CBL: variants seen among roughly 807,000 people sequenced by gnomAD.
CBL encodes the protein E3 ubiquitin-protein ligase CBL.
A neutral mutation model predicts 96.9 loss-of-function variants in CBL; 45 were observed. The ratio of observed to expected loss-of-function variants is 0.46; its 90% confidence interval spans 0.37 to 0.60. The LOEUF (loss-of-function observed/expected upper bound fraction) is 0.60, where lower values mean the gene tolerates loss of function less well. Among genes scored for constraint, CBL ranks in the 20% least tolerant of loss-of-function variants. CBL has a pLI of 0.00. For missense variants in CBL, 1,024 were observed against 1,143.5 expected (o/e 0.90, Z 1.51); for synonymous variants, 420 against 426.8 (o/e 0.98, Z 0.20).
rs1030670277 is a variant in CBL, at chr11:119,308,137, T to G, written c.*8356T>G. On this transcript the variant is annotated 3_prime_UTR_variant, in exon 16 of 16. Coordinates refer to ENST00000264033, the MANE Select transcript of CBL (RefSeq NM_005188.4). ...AAAATATTTTTAAATAAAGTTTCTT[T>G]TGTTGTAGCAGACTTGAGTTCTTGC... 1 of 168,514 alleles carries G rather than the reference T, an allele frequency of 5.9e-6. No individual in the cohort carries two copies. The highest frequency in any genetic ancestry group is 1.3e-5 in the Non-Finnish European group (1 of 76,968). 10.4% of individuals were successfully genotyped at this position (168,514 alleles called of 1,614,324 possible).
chr11:119,208,229 A>G (rs973044713), intron 1 of CBL, among the ~76,000 whole-genome samples: 1 of 152,086 alleles, frequency 6.6e-6, no homozygotes, highest in Non-Finnish European at 1.5e-5. Context: ...CTTTTTAGGG[A>G]TTTATCGTTA....
intron 12 of CBL, among the ~76,000 whole-genome samples, chr11:119,288,438 C>T (rs991357073): frequency 2.6e-5 from 4 of 151,902 alleles, no homozygotes; most frequent in Non-Finnish European, 5.9e-5. Flanking sequence ...CTGCATCTCA[C>T]TATGTCCTTA....
Position 119,278,534 on chromosome 11 carries a change from T to G in CBL, c.1252T>G (p.Phe418Val), listed in dbSNP as rs745896960. Residue 418 changes from phenylalanine to valine, a missense_variant, in exon 9 of 16, where the codon TTC becomes GTC. Physicochemically the swap from Phe to Val is conservative, Grantham distance 50 (BLOSUM62 -1). Coordinates refer to ENST00000264033, the MANE Select transcript of CBL (RefSeq NM_005188.4). The stretch of plus-strand genomic sequence containing the variant: ...GGAATCAGAAGGTCAGGGCTGTCCT[T>G]TCTGCCGATGTGAAATTAAAGGTAC... ...WQESEGQGCP[F>V]CRCEIKGTEP... 6.2e-7 allele frequency: 1 copy of G among 1,614,232 alleles called. No individual in the cohort carries two copies. The highest frequency in any genetic ancestry group is 1.7e-5 in the Admixed American group (1 of 60,026).
chr11:119,249,776 G>A (rs556182451), intron 2 of CBL, among the ~76,000 whole-genome samples: 1 of 151,194 alleles, frequency 6.6e-6, no homozygotes, highest in South Asian at 2.1e-4. Flanking sequence ...TCCCACCTAA[G>A]CTTCCCAAGT....
intron 1 of CBL, among the ~76,000 whole-genome samples, chr11:119,211,948 C>T (rs1949322292): frequency 6.6e-6 from 1 of 151,916 alleles, no homozygotes; most frequent in Non-Finnish European, 1.5e-5. Flanking sequence ...AGATGGAGTT[C>T]CACTATTGTT....
chr11:119,293,595 T>A (rs187004195), intron 12 of CBL, among the ~76,000 whole-genome samples: 1 of 152,212 alleles, frequency 6.6e-6, no homozygotes. Context: ...CTAGGGAAAA[T>A]TGCTGGCATT....
Position 119,297,005 on chromosome 11 carries a change from A to G in CBL, c.2124A>G (p.Leu708=), listed in dbSNP as rs749129552. Residue 708 remains leucine (L), a synonymous_variant, in exon 13 of 16, where the codon CTA becomes CTG. Coordinates refer to ENST00000264033, the MANE Select transcript of CBL (RefSeq NM_005188.4). ...TEYMTPSSRP[L]RPLDTSQSSR... ...ACATGACTCCCTCTTCCAGGCCTCT[A>G]CGGCCTTTGGATACATCCCAGAGTT... The G allele has an allele frequency of 3.1e-6, 5 of 1,601,680 alleles. No individual in the cohort carries two copies. The African/African-American group carries it at 4.0e-5, about 13-fold the overall frequency.
At position 119,232,437 on chromosome 11, in the gene CBL, A is replaced by G. The variant is rs1336574268; in HGVS notation, c.196-11A>G. 2 of 1,612,840 alleles carry G rather than the reference A, an allele frequency of 1.2e-6. No homozygotes were observed. The highest frequency in any genetic ancestry group is 1.7e-6 in the Non-Finnish European group (2 of 1,179,926). The stretch of plus-strand genomic sequence containing the variant: ...CTCCAAGTAATAGCCCTTCTTTTTC[A>G]TTTGTTGCAGGTGGTGCGGTTGTGT... On this transcript the variant is annotated splice_polypyrimidine_tract_variant and intron_variant, in intron 1 of 15. Transcript: ENST00000264033.
Position 119,278,487 on chromosome 11 carries a change from ACTAT to A in CBL, c.1228-20_1228-17del, listed in dbSNP as rs370327162. 1.5e-4 allele frequency: 236 copies of A among 1,600,026 alleles called. No individual in the cohort carries two copies. The African/African-American group carries it at 2.8e-3, about 19-fold the overall frequency. ...TTAAGTATTTTCAGATGCATCTGTTACTATCTTTTGCTTCTTCTGCAGGAATCAG... is the reference window on the plus strand; with the variant it reads ...TTAAGTATTTTCAGATGCATCTGTTACTTTTGCTTCTTCTGCAGGAATCAG... On this transcript the variant is annotated intron_variant, in intron 8 of 15. Coordinates refer to ENST00000264033, the MANE Select transcript of CBL (RefSeq NM_005188.4).
chr11:119,227,944 G>A (rs2135262543), intron 1 of CBL, among the ~76,000 whole-genome samples: 1 of 152,164 alleles, frequency 6.6e-6, no homozygotes, highest in East Asian at 1.9e-4. Flanking sequence ...CTGTGTCCCT[G>A]TGCCTGACAC....
At position 119,285,533 on chromosome 11, in the gene CBL, G is replaced by T; in HGVS notation, c.1908G>T (p.Arg636Ser). 6.2e-7 allele frequency: 1 copy of T among 1,614,054 alleles called. No individual in the cohort carries two copies. Among genetic ancestry groups the T allele is most frequent in the Non-Finnish European group, 8.5e-7 (1 of 1,180,038 alleles). ...SQMEPRPDVP[R>S]LGSTFSLDTS... is the part of the protein sequence containing the mutation. ...TGGAGCCCAGACCAGATGTGCCTAG[G>T]CTCGGAAGCACGTTCAGTCTGGATA... The change falls in exon 11 of 16, where the codon AGG (arginine) becomes AGT (serine). Residue 636 changes from arginine (R) to serine (S), a missense_variant. By Grantham distance (110) the Arg-to-Ser change is moderately radical (BLOSUM62 -1). This residue lies in a region of CBL where 695 missense variants were observed against 661.6 expected (regional missense o/e 1.05). Coordinates refer to ENST00000264033, the MANE Select transcript of CBL (RefSeq NM_005188.4).
chr11:119,209,933 TAGAC>T (rs912612119), intron 1 of CBL, among the ~76,000 whole-genome samples: 19 of 152,214 alleles, frequency 1.2e-4, no homozygotes, highest in South Asian at 8.3e-4. Context: ...AAACAAAAGT[TAGAC>T]AGAGCCACTG....
chr11:119,283,732 G>A (rs1297482933), intron 9 of CBL, among the ~76,000 whole-genome samples: 2 of 141,998 alleles, frequency 1.4e-5, no homozygotes, highest in Non-Finnish European at 3.0e-5. Context: ...CCGCCTCCCG[G>A]GTTCATGCCA....
At position 119,276,002 on chromosome 11, in the gene CBL, T is replaced by G. The variant is rs771389825; in HGVS notation, c.875T>G (p.Ile292Ser). 6.2e-7 allele frequency: 1 copy of G among 1,614,190 alleles called. No individual in the cohort carries two copies. Among genetic ancestry groups the G allele is most frequent in the Non-Finnish European group, 8.5e-7 (1 of 1,179,992 alleles). Residue 292 changes from isoleucine to serine, a missense_variant, in exon 6 of 16, where the codon ATC becomes AGC. Physicochemically the swap from Ile to Ser is moderately radical, Grantham distance 142 (BLOSUM62 -2). This residue lies in a region of CBL where 192 missense variants were observed against 321.8 expected (regional missense o/e 0.60). Coordinates refer to ENST00000264033, the MANE Select transcript of CBL (RefSeq NM_005188.4). ...CTGTTTATGTCTGTTCATAGTTATA[T>G]CTTCCGGCTGAGCTGTACTCGTCTG... is the stretch of plus-strand genomic sequence containing the variant. ...QKFIHKPGSYIFRLSCTRLGQ... is the reference protein window; with the variant it reads ...QKFIHKPGSYSFRLSCTRLGQ...
At position 119,302,351 on chromosome 11, in the gene CBL, T is replaced by C. The variant is rs968683108; in HGVS notation, c.*2570T>C. On this transcript the variant is annotated 3_prime_UTR_variant, in exon 16 of 16. Coordinates refer to ENST00000264033, the MANE Select transcript of CBL (RefSeq NM_005188.4). The stretch of plus-strand genomic sequence containing the variant: ...TGTTTTGAGGTTATTCTCAAAACCT[T>C]AATTTCTTATATTTTCTGTTGACTA... 2 of 232,656 alleles carry C rather than the reference T, an allele frequency of 8.6e-6. No individual in the cohort carries two copies. Among genetic ancestry groups the C allele is most frequent in the African/African-American group, 4.4e-5 (2 of 45,320 alleles). The allele number at this position is 232,656 out of a possible 1,614,324, so 14.4% of individuals were successfully genotyped here.
intron 2 of CBL, among the ~76,000 whole-genome samples, chr11:119,249,282 G>C (rs982477229): frequency 6.6e-6 from 1 of 152,298 alleles, no homozygotes; most frequent in Admixed American, 6.5e-5. Flanking sequence ...TCGACTGGGC[G>C]TGGAGGTTCA....
chr11:119,274,659 C>T (rs1297535112), intron 4 of CBL, among the ~76,000 whole-genome samples, 173 bp from the exon 5 acceptor site: 1 of 151,976 alleles, frequency 6.6e-6, no homozygotes, highest in African/African-American at 2.4e-5. Flanking sequence ...TTCTTCGTAG[C>T]TTTTCAGAGT....
chr11:119,264,055 T>G (rs1949775748), intron 2 of CBL, among the ~76,000 whole-genome samples: 1 of 152,250 alleles, frequency 6.6e-6, no homozygotes, highest in Admixed American at 6.5e-5. Flanking sequence ...GGGAATATTT[T>G]GCAACCCTGT....
chr11:119,257,872 T>A (rs1308188696), intron 2 of CBL, among the ~76,000 whole-genome samples: 1 of 152,190 alleles, frequency 6.6e-6, no homozygotes, highest in Non-Finnish European at 1.5e-5. Flanking sequence ...GTATTTGGCT[T>A]TATTTCTGGT....
Sources: gnomAD v4.1 joint callset for allele counts (sites outside exome capture counted in the v4.1 genomes callset) on GRCh38, gnomAD v4.1.1 for gene constraint, gnomAD v4.1.1 regional missense constraint, MANE v1.5 for transcripts, NCBI Gene and HGNC (gene_info 2026-07-23, HGNC 2026-07-21) for gene names.